AK9: variants seen among roughly 807,000 people sequenced by gnomAD.
AK9 encodes adenylate kinase 9, also known as adenylate kinase domain containing 1.
Under a neutral mutation model 239.6 loss-of-function variants are expected in AK9, and 191 were observed. The observed-to-expected ratio is 0.80, with a 90% CI of 0.71 to 0.90. AK9 has a LOEUF of 0.90. AK9 is among the 40% of genes least tolerant of loss of function. The probability of loss-of-function intolerance (pLI) is 0.00; values close to 1 mark genes in which losing one functional copy is unlikely to be tolerated. For synonymous variants in AK9, 689 were observed against 721.0 expected (o/e 0.96, Z 0.71); for missense variants, 1,995 against 2,214.7 (o/e 0.90, Z 1.99).
At chr6:109,687,901 A>C (rs1253528568) in intron 1 of AK9, among the ~76,000 whole-genome samples, 1 of 152,216 alleles carries the variant, frequency 6.6e-6, no homozygotes, top group Non-Finnish European at 1.5e-5. Context: ...GAAAGCATCC[A>C]CCTCAGAAGA....
At chr6:109,640,303 G>A (rs1055824642) in intron 10 of AK9, among the ~76,000 whole-genome samples, 1 of 152,128 alleles carries the variant, frequency 6.6e-6, no homozygotes, top group Admixed American at 6.5e-5. Flanking sequence ...CAGTATTTGT[G>A]GGGAGTGTCC....
intron 12 of AK9, among the ~76,000 whole-genome samples, chr6:109,622,671 TATATG>T (rs756069386): frequency 6.1e-5 from 9 of 148,386 alleles, no homozygotes; most frequent in Admixed American, 4.1e-4. Context: ...AATGTATACA[TATATG>T]ATATATGATA....
At chr6:109,561,067 C>T (rs965323154) in intron 24 of AK9, among the ~76,000 whole-genome samples, 11 of 151,910 alleles carry the variant, frequency 7.2e-5, no homozygotes, top group Admixed American at 4.6e-4. Context: ...GATTCTCCTG[C>T]CCCAGCCTCC....
chr6:109,579,599 G>C lies in AK9; in HGVS notation c.2142C>G (p.Leu714=), dbSNP rs376190558. ...ARKATEEELR[L]EEENRRLLEL... ...CCAGTAGCCTTCGATTTTCTTCTTC[G>C]AGTCTCAATTCCTCTTCTGTGGCTT... Residue 714 remains leucine (L), a synonymous_variant, in exon 20 of 41, where the codon CTC becomes CTG. Coordinates refer to ENST00000424296, the MANE Select transcript of AK9 (RefSeq NM_001145128.3). The C allele has an allele frequency of 1.3e-6, 2 of 1,550,916 alleles. No homozygotes were observed. The highest frequency in any genetic ancestry group is 1.7e-6 in the Non-Finnish European group (2 of 1,146,710).
At chr6:109,551,272 CTT>C (rs955608428) in intron 24 of AK9, among the ~76,000 whole-genome samples, 5 of 152,012 alleles carry the variant, frequency 3.3e-5, no homozygotes, top group African/African-American at 1.2e-4. Flanking sequence ...AATCCCAGCA[CTT>C]TGGGAGGCCG....
intron 27 of AK9, among the ~76,000 whole-genome samples, chr6:109,536,846 C>T (rs1205082477): frequency 6.6e-6 from 1 of 152,168 alleles, no homozygotes; most frequent in African/African-American, 2.4e-5. Context: ...GCCTTTTCTG[C>T]ATCTATTGAG....
At chr6:109,609,375 A>G (rs1793303775) in intron 17 of AK9, among the ~76,000 whole-genome samples, 1 of 152,216 alleles carries the variant, frequency 6.6e-6, no homozygotes, top group Non-Finnish European at 1.5e-5. Context: ...TAACTCAGTT[A>G]TTGGTTTACA....
chr6:109,667,610 T>G (rs1221043169), intron 5 of AK9, among the ~76,000 whole-genome samples: 5 of 151,720 alleles, frequency 3.3e-5, no homozygotes, highest in Non-Finnish European at 5.9e-5. Context: ...TGTCCAAGTG[T>G]TCTCATTGTT....
chr6:109,676,574 C>T (rs542838356), intron 1 of AK9, among the ~76,000 whole-genome samples: 58 of 150,604 alleles, frequency 3.9e-4, no homozygotes, highest in Non-Finnish European at 5.8e-4. Context: ...CTCTTGATCA[C>T]GATAAAATAA....
At chr6:109,611,545 CAG>C (rs1299152650) in intron 16 of AK9, among the ~76,000 whole-genome samples, 3 of 151,836 alleles carry the variant, frequency 2.0e-5, no homozygotes, top group African/African-American at 7.3e-5. Flanking sequence ...AAGAGGCAAG[CAG>C]AGTTTGTGTG....
At position 109,641,866 on chromosome 6, in the gene AK9, T is replaced by C. The variant is rs562199137; in HGVS notation, c.835-250A>G. On this transcript the variant is annotated intron_variant, in intron 9 of 40. Transcript: ENST00000424296. ...TGTCTGAGTCTCTTCTCCTAATCTA[T>C]AGGCAAAGACCTTATTTCCAAATAA... 3.3e-5 allele frequency among the ~76,000 whole-genome samples: 5 copies of C among 152,272 alleles called. No individual in the cohort carries two copies. In the East Asian group the frequency reaches 9.7e-4, roughly 29 times the overall value.
At chr6:109,518,886 A>T (rs1046035358) in intron 29 of AK9, among the ~76,000 whole-genome samples, 23 of 151,992 alleles carry the variant, frequency 1.5e-4, no homozygotes, top group African/African-American at 5.3e-4. Flanking sequence ...ATGATGCTGA[A>T]GTTTGGGGTA....
intron 22 of AK9, among the ~76,000 whole-genome samples, 155 bp downstream of exon 22, chr6:109,564,601 T>C (rs1369590370): frequency 2.0e-5 from 3 of 152,248 alleles, no homozygotes; most frequent in African/African-American, 7.2e-5. Flanking sequence ...GATACACTTT[T>C]AATGGAGTAA....
At position 109,669,214 on chromosome 6, in the gene AK9, C is replaced by T. The variant is rs1285469221; in HGVS notation, c.331+2705G>A. ...TGTTTGTTATTGGTGTATAAGAATG[C>T]TTGTGATTTTTGCACATTGATTTTG... On this transcript the variant is annotated intron_variant, in intron 5 of 40. Coordinates refer to ENST00000424296, the MANE Select transcript of AK9 (RefSeq NM_001145128.3). 3.3e-5 allele frequency among the ~76,000 whole-genome samples: 5 copies of T among 152,024 alleles called. No individual in the cohort carries two copies. The South Asian group carries it at 8.3e-4, about 25-fold the overall frequency.
intron 12 of AK9, 61 bp from the exon 13 acceptor site, chr6:109,619,297 T>G: frequency 6.9e-7 from 1 of 1,451,818 alleles, no homozygotes; most frequent in Non-Finnish European, 9.1e-7. Context: ...TTAAACACAT[T>G]GTTCATCTAT....
intron 1 of AK9, among the ~76,000 whole-genome samples, chr6:109,687,832 C>T (rs1228478990): frequency 6.6e-6 from 1 of 152,136 alleles, no homozygotes; most frequent in Non-Finnish European, 1.5e-5. Context: ...CAGTAATTTG[C>T]TATGCAGCAT....
intron 35 of AK9, among the ~76,000 whole-genome samples, chr6:109,502,991 A>G (rs3056655): frequency 0.33 from 36,843 of 111,260 alleles, 4,664 homozygotes; most frequent in Middle Eastern, 0.42. Context: ...GTGTGTGTGT[A>G]TTATTTTCAG....
chr6:109,682,211 G>A (rs1040909877), intron 1 of AK9, among the ~76,000 whole-genome samples: 5 of 152,020 alleles, frequency 3.3e-5, no homozygotes, highest in African/African-American at 1.2e-4. Context: ...GGATCACAAG[G>A]TCAGGAGATC....
Position 109,633,191 on chromosome 6 carries a change from A to T in AK9, c.1066T>A (p.Ser356Thr). Residue 356 changes from serine to threonine, a missense_variant, in exon 11 of 41, where the codon TCT (serine) becomes ACT (threonine). Coordinates refer to ENST00000424296, the MANE Select transcript of AK9 (RefSeq NM_001145128.3). The stretch of plus-strand genomic sequence containing the variant: ...TCTGAAAATCTTACTTACCTCACAG[A>T]ATAATCTGGTAATCCTGAATAAATG... ...GNIYSGLPDY[S>T]VSFLGKIYCL... is the part of the protein sequence containing the mutation. 2 of 1,591,468 alleles carry T rather than the reference A, an allele frequency of 1.3e-6. No homozygotes were observed. Among genetic ancestry groups the T allele is most frequent in the Non-Finnish European group, 1.7e-6 (2 of 1,174,232 alleles).
Sources: allele counts gnomAD v4.1 joint callset (sites outside exome capture counted in the v4.1 genomes callset), GRCh38; gene constraint gnomAD v4.1.1; transcripts MANE v1.5; gene names NCBI Gene and HGNC (gene_info 2026-07-23, HGNC 2026-07-21).